AHCYL2: variants seen among roughly 807,000 people sequenced by gnomAD.
AHCYL2 encodes adenosylhomocysteinase like 2.
In AHCYL2, 28 loss-of-function variants were observed where a neutral mutation model predicts 81.4. The observed-to-expected ratio is 0.34, with a 90% confidence interval of 0.25 to 0.47. The LOEUF (loss-of-function observed/expected upper bound fraction) is 0.47, where lower values mean the gene tolerates loss of function less well. Among genes scored for constraint, AHCYL2 ranks in the 20% least tolerant of loss-of-function variants. AHCYL2 has a pLI of 1.00. For missense variants in AHCYL2, 551 were observed against 785.1 expected (o/e 0.70, Z 3.56); for synonymous variants, 272 against 290.2 (o/e 0.94, Z 0.64).
At chr7:129,395,693 T>C (rs1202025836) in intron 4 of AHCYL2, among the ~76,000 whole-genome samples, 1 of 151,230 alleles carries the variant, frequency 6.6e-6, no homozygotes, top group Non-Finnish European at 1.5e-5. Flanking sequence ...TGTAGGGAAG[T>C]GCCCAGGTTT....
chr7:129,428,419 G>A lies in AHCYL2; in HGVS notation c.*1374G>A, dbSNP rs1797448324. ...TTGGATTCCTTTTGGAGACTGATCT[G>A]TTGGTCTCAGGCATTTCATTAGGAC... On this transcript the variant is annotated 3_prime_UTR_variant, in exon 17 of 17. Transcript: ENST00000325006. 6.6e-6 allele frequency: 1 copy of A among 152,214 alleles called. No individual in the cohort carries two copies. The highest frequency in any genetic ancestry group is 2.4e-5 in the African/African-American group (1 of 41,444). The allele number at this position is 152,214 out of a possible 1,614,324, so 9.4% of individuals were successfully genotyped here. A position where few individuals can be genotyped will look rare whatever the true frequency, so the allele number is the denominator to read the frequency against.
chr7:129,305,050 CTA>C (rs1185271975), intron 1 of AHCYL2, among the ~76,000 whole-genome samples: 2 of 151,690 alleles, frequency 1.3e-5, no homozygotes, highest in African/African-American at 4.8e-5. Context: ...TGCATATCCA[CTA>C]TATGTTTTTA....
chr7:129,405,315 A>T (rs1796248258), intron 8 of AHCYL2, 102 bp downstream of exon 8: 2 of 652,582 alleles, frequency 3.1e-6, no homozygotes, highest in Admixed American at 2.9e-5. Context: ...GCACCTCTGG[A>T]TAATGTCTCC....
intron 6 of AHCYL2, among the ~76,000 whole-genome samples, chr7:129,401,486 G>T (rs1796034611): frequency 6.6e-6 from 1 of 152,346 alleles, no homozygotes; most frequent in East Asian, 1.9e-4. Context: ...GCTTGCTGCT[G>T]AAGGCTGCAG....
At position 129,425,237 on chromosome 7, in the gene AHCYL2, G is replaced by A. The variant is rs941475439; in HGVS notation, c.1708+96G>A. ...GGCATTAACTTACTTAAGGATGGGG[G>A]AAAAAAGGTACCTTCATCTTGTAAA... On this transcript the variant is annotated intron_variant, in intron 15 of 16. Coordinates refer to ENST00000325006, the MANE Select transcript of AHCYL2 (RefSeq NM_015328.4). 1.8e-5 allele frequency: 19 copies of A among 1,029,640 alleles called. No homozygotes were observed. In the African/African-American group the frequency reaches 2.9e-4, roughly 16 times the overall value. 63.8% of individuals were successfully genotyped at this position (1,029,640 alleles called of 1,614,324 possible). A position where few individuals can be genotyped will look rare whatever the true frequency, so the allele number is the denominator to read the frequency against.
rs543704112 is a variant in AHCYL2, at chr7:129,331,760, C to T, written c.364-47878C>T. On this transcript the variant is annotated intron_variant, in intron 1 of 16. Transcript: ENST00000325006. ...TGGAGGCTGAGGCAGGAGAACCTCT[C>T]GAACCCGGGAGGTGGAGGTTGCAGT... Among the ~76,000 whole-genome samples, 19 of 151,966 alleles carry T rather than the reference C, an allele frequency of 1.3e-4. No individual in the cohort carries two copies. The East Asian group carries it at 2.5e-3, about 20-fold the overall frequency.
At chr7:129,334,657 C>G (rs542564186) in intron 1 of AHCYL2, among the ~76,000 whole-genome samples, 1 of 152,240 alleles carries the variant, frequency 6.6e-6, no homozygotes, top group Admixed American at 6.5e-5. Context: ...TTAACTGCCC[C>G]AGGAGGCTGG....
intron 1 of AHCYL2, among the ~76,000 whole-genome samples, chr7:129,306,176 A>C (rs1489438644): frequency 6.6e-6 from 1 of 152,058 alleles, no homozygotes; most frequent in East Asian, 1.9e-4. Flanking sequence ...CTTTGAATGT[A>C]CTTTCTATGT....
chr7:129,337,254 C>T (rs922568088), intron 1 of AHCYL2, among the ~76,000 whole-genome samples: 7 of 151,874 alleles, frequency 4.6e-5, no homozygotes, highest in South Asian at 2.1e-4. Flanking sequence ...TTACTTTTAT[C>T]GTACTGTATT....
At chr7:129,232,494 G>T (rs954107218) in intron 1 of AHCYL2, among the ~76,000 whole-genome samples, 3 of 152,170 alleles carry the variant, frequency 2.0e-5, no homozygotes, top group Admixed American at 2.0e-4. Flanking sequence ...TCACAATCTA[G>T]CCTCTTTCAA....
intron 1 of AHCYL2, among the ~76,000 whole-genome samples, chr7:129,228,483 A>G (rs994537966): frequency 2.0e-5 from 3 of 152,172 alleles, no homozygotes; most frequent in Non-Finnish European, 2.9e-5. Flanking sequence ...TGATATATTT[A>G]ATTATAGTGT....
intron 1 of AHCYL2, among the ~76,000 whole-genome samples, chr7:129,334,529 C>T (rs768281155): frequency 5.8e-4 from 88 of 152,240 alleles, no homozygotes; most frequent in Non-Finnish European, 1.0e-3. Context: ...GATGGGATTC[C>T]TCCTATCTAC....
intron 1 of AHCYL2, among the ~76,000 whole-genome samples, chr7:129,351,887 AT>A: frequency 6.6e-6 from 1 of 152,340 alleles, no homozygotes; most frequent in East Asian, 1.9e-4. Flanking sequence ...CTAATGGTAT[AT>A]AAGCAATGAT....
chr7:129,251,525 A>G (rs528607904), intron 1 of AHCYL2, among the ~76,000 whole-genome samples: 7 of 152,198 alleles, frequency 4.6e-5, no homozygotes, highest in African/African-American at 1.4e-4. Context: ...TTAAGCTATT[A>G]CTAGGTTTAT....
rs567224563 is a variant in AHCYL2 at position 129,391,904 on chromosome 7, T to C, written c.720+2170T>C. Among the ~76,000 whole-genome samples the C allele has an allele frequency of 2.0e-5, 3 of 152,342 alleles. No individual in the cohort carries two copies. The East Asian group carries it at 5.8e-4, about 29-fold the overall frequency. On this transcript the variant is annotated intron_variant, in intron 4 of 16. Transcript: ENST00000325006. ...ATAATAAATTGAAAAGCTATCTGTT[T>C]TGGAGCTACAAACTAATGAATCAAG...
chr7:129,357,838 GCA>G (rs1484613531), intron 1 of AHCYL2, among the ~76,000 whole-genome samples: 1 of 151,624 alleles, frequency 6.6e-6, no homozygotes, highest in Admixed American at 6.6e-5. Flanking sequence ...GGAGGCTGAG[GCA>G]GGAGAATAGC....
intron 11 of AHCYL2, chr7:129,410,331 C>T: frequency 6.2e-7 from 1 of 1,614,232 alleles, no homozygotes; most frequent in Admixed American, 1.7e-5. Context: ...TCAATGTCAT[C>T]AAGCTTTAGC....
At chr7:129,228,004 T>G (rs1178781321) in intron 1 of AHCYL2, among the ~76,000 whole-genome samples, 2 of 152,220 alleles carry the variant, frequency 1.3e-5, no homozygotes, top group Non-Finnish European at 2.9e-5. Flanking sequence ...TTCCCTAAGT[T>G]GAAAGTCATC....
intron 1 of AHCYL2, among the ~76,000 whole-genome samples, chr7:129,294,160 C>T (rs1013536482): frequency 6.6e-6 from 1 of 152,180 alleles, no homozygotes; most frequent in African/African-American, 2.4e-5. Context: ...AGAACAATTA[C>T]TTTGTGTACC....
Sources: gnomAD v4.1 joint callset for allele counts (sites outside exome capture counted in the v4.1 genomes callset) on GRCh38, gnomAD v4.1.1 for gene constraint, MANE v1.5 for transcripts, NCBI Gene and HGNC (gene_info 2026-07-23, HGNC 2026-07-21) for gene names.